The following FBXL13 variants were observed in gnomAD, a reference collection of about 807,000 sequenced individuals.
The protein encoded by FBXL13 is F-box and leucine-rich repeat protein 13.
FBXL13 carries 67 observed loss-of-function variants against 83.6 expected under a neutral mutation model. The observed-to-expected ratio is 0.80, with a 90% CI of 0.66 to 0.98. The LOEUF (loss-of-function observed/expected upper bound fraction) is 0.98, where lower values mean the gene tolerates loss of function less well. Ranked by LOEUF, FBXL13 falls within the 50% of genes least tolerant of loss-of-function variation. The pLI is 0.00. For synonymous variants in FBXL13, 272 were observed against 299.5 expected (o/e 0.91, Z 0.95); for missense variants, 822 against 866.5 (o/e 0.95, Z 0.64).
At chr7:103,028,636 G>A (rs1794190331) in exon 4 of FBXL13, 3 of 1,595,036 alleles carry the variant, frequency 1.9e-6, no homozygotes, top group Non-Finnish European at 2.6e-6. Flanking sequence ...ATATAAGAGT[G>A]CCAGTGATGA....
chr7:102,906,139 G>T (rs1004457214), intron 11 of FBXL13, among the ~76,000 whole-genome samples: 1 of 152,078 alleles, frequency 6.6e-6, no homozygotes, highest in African/African-American at 2.4e-5. Context: ...TCACTATCAT[G>T]AGAACAGCAT....
intron 8 of FBXL13, among the ~76,000 whole-genome samples, chr7:102,963,048 G>T (rs1383565042): frequency 1.3e-5 from 2 of 149,996 alleles, no homozygotes; most frequent in African/African-American, 4.9e-5. Context: ...GCCGGGCACA[G>T]TGGCTTATGC....
At chr7:102,835,954 G>C (rs1220783331) in intron 17 of FBXL13, among the ~76,000 whole-genome samples, 2 of 152,122 alleles carry the variant, frequency 1.3e-5, no homozygotes, top group African/African-American at 4.8e-5. Context: ...TTGTTAGAGA[G>C]AATGGACAGA....
At chr7:102,973,918 A>G in intron 6 of FBXL13, 1 of 657,004 alleles carries the variant, frequency 1.5e-6, no homozygotes, top group Non-Finnish European at 2.7e-6. Flanking sequence ...GACGCCTCTA[A>G]GCCATTTGAT....
At chr7:102,883,644 G>A (rs1563040893) in exon 13 of FBXL13, 2 of 1,611,312 alleles carry the variant, frequency 1.2e-6, no homozygotes, top group South Asian at 1.1e-5. Flanking sequence ...GTGCACCAGT[G>A]AAAACCAGCG....
intron 8 of FBXL13, among the ~76,000 whole-genome samples, chr7:102,957,050 G>C (rs1824381843): frequency 6.6e-6 from 1 of 152,008 alleles, no homozygotes. Flanking sequence ...AGTTTATATA[G>C]AATGAAAAAA....
At chr7:102,941,138 C>T (rs1821343445) in intron 8 of FBXL13, among the ~76,000 whole-genome samples, 1 of 152,162 alleles carries the variant, frequency 6.6e-6, no homozygotes, top group African/African-American at 2.4e-5. Flanking sequence ...TATACCTTAG[C>T]TTGTTACAGA....
intron 9 of FBXL13, among the ~76,000 whole-genome samples, chr7:102,931,030 T>C (rs1224366670): frequency 2.6e-5 from 4 of 152,154 alleles, no homozygotes; most frequent in Admixed American, 6.5e-5. Context: ...ATACTTATCA[T>C]AGGAACCTAG....
At chr7:102,991,844 G>C (rs1286576451) in intron 6 of FBXL13, among the ~76,000 whole-genome samples, 1 of 152,170 alleles carries the variant, frequency 6.6e-6, no homozygotes, top group Non-Finnish European at 1.5e-5. Flanking sequence ...CATGAGTCAG[G>C]AATAAGTGGT....
chr7:102,943,756 C>T (rs1821924233), intron 8 of FBXL13, among the ~76,000 whole-genome samples: 1 of 152,162 alleles, frequency 6.6e-6, no homozygotes. Flanking sequence ...GATTTGACAA[C>T]ACCTTTTGTC....
At chr7:102,890,837 T>C (rs1811447843) in intron 11 of FBXL13, among the ~76,000 whole-genome samples, 1 of 152,198 alleles carries the variant, frequency 6.6e-6, no homozygotes, top group African/African-American at 2.4e-5. Context: ...AATATCCATC[T>C]GAGATAGACA....
chr7:102,986,584 T>A (rs1350029408), intron 6 of FBXL13, among the ~76,000 whole-genome samples: 1 of 152,136 alleles, frequency 6.6e-6, no homozygotes, highest in Non-Finnish European at 1.5e-5. Flanking sequence ...AGTCCAGTTC[T>A]CTTCATGGGT....
At chr7:103,064,295 T>C (rs887753067) in intron 1 of FBXL13, among the ~76,000 whole-genome samples, 9 of 152,186 alleles carry the variant, frequency 5.9e-5, no homozygotes, top group Non-Finnish European at 8.8e-5. Flanking sequence ...TGCAAGCCAG[T>C]TGGGGTCCAA....
chr7:102,996,516 T>C (rs1789805920), intron 6 of FBXL13, among the ~76,000 whole-genome samples: 1 of 152,226 alleles, frequency 6.6e-6, no homozygotes, highest in Non-Finnish European at 1.5e-5. Flanking sequence ...TACTGATGAC[T>C]GGTAGTTCAA....
intron 17 of FBXL13, among the ~76,000 whole-genome samples, chr7:102,849,133 G>A (rs1003839694): frequency 1.6e-4 from 25 of 152,216 alleles, no homozygotes; most frequent in African/African-American, 5.1e-4. Context: ...ATACTTTGCC[G>A]TCTGTTATTT....
chr7:102,959,391 T>G (rs1285893165), intron 8 of FBXL13, among the ~76,000 whole-genome samples: 2 of 152,136 alleles, frequency 1.3e-5, no homozygotes, highest in African/African-American at 2.4e-5. Flanking sequence ...GCATGCTTTT[T>G]ATATGTCACT....
At chr7:103,054,390 GAAA>G (rs5886240) in intron 2 of FBXL13, among the ~76,000 whole-genome samples, 2 of 120,480 alleles carry the variant, frequency 1.7e-5, no homozygotes, top group African/African-American at 3.1e-5. Context: ...ACTCCGTCTG[GAAA>G]AAAAAAAAAA....
chr7:103,001,345 G>A (rs1790384853), intron 6 of FBXL13, among the ~76,000 whole-genome samples: 1 of 152,110 alleles, frequency 6.6e-6, no homozygotes, highest in Admixed American at 6.6e-5. Flanking sequence ...ATATATCTGG[G>A]TCTTTAAAAC....
intron 1 of FBXL13, among the ~76,000 whole-genome samples, chr7:103,061,460 T>G (rs1182809980): frequency 3.9e-5 from 6 of 152,200 alleles, no homozygotes; most frequent in Non-Finnish European, 8.8e-5. Flanking sequence ...CTGGCTGGGC[T>G]GAGGGAATTC....
Sources: allele counts gnomAD v4.1 joint callset (sites outside exome capture counted in the v4.1 genomes callset), GRCh38; gene constraint gnomAD v4.1.1; transcripts MANE v1.5; gene names NCBI Gene and HGNC (gene_info 2026-07-23, HGNC 2026-07-21).